Variants in WLS observed in about 807,000 individuals in gnomAD.
The protein encoded by WLS is protein wntless homolog.
Under a neutral mutation model 62.8 loss-of-function variants are expected in WLS, and 23 were observed. That is an observed-to-expected ratio of 0.37 (90% CI 0.26 to 0.52). The LOEUF (loss-of-function observed/expected upper bound fraction) is 0.52. Ranked by LOEUF, WLS falls within the 20% of genes least tolerant of loss-of-function variation. The probability of loss-of-function intolerance (pLI) is 0.92; values close to 1 mark genes in which losing one functional copy is unlikely to be tolerated. For missense variants in WLS, 615 were observed against 697.3 expected, an observed-to-expected ratio of 0.88 and a Z score of 1.33; for synonymous variants, 246 against 244.1, an observed-to-expected ratio of 1.01 and a Z score of -0.07.
intron 2 of WLS, among the ~76,000 whole-genome samples, chr1:68,173,534 A>G (rs1557496363): frequency 6.6e-6 from 1 of 152,204 alleles, no homozygotes; most frequent in Non-Finnish European, 1.5e-5. Context: ...GTAACCAGGA[A>G]AGGAAAGGGA....
chr1:68,178,957 C>G (rs746950482), intron 2 of WLS, among the ~76,000 whole-genome samples: 3 of 152,136 alleles, frequency 2.0e-5, no homozygotes, highest in African/African-American at 4.8e-5. Context: ...TATTTATACA[C>G]TGACTCACCT....
chr1:68,133,151 A>G (rs1309174227), intron 11 of WLS, among the ~76,000 whole-genome samples: 1 of 152,158 alleles, frequency 6.6e-6, no homozygotes, highest in African/African-American at 2.4e-5. Flanking sequence ...TTAAAAATCT[A>G]TATGTGCACG....
chr1:68,106,217 G>T (rs573256742), intron 11 of WLS, among the ~76,000 whole-genome samples: 1 of 152,090 alleles, frequency 6.6e-6, no homozygotes, highest in African/African-American at 2.4e-5. Flanking sequence ...AAGGCACTTC[G>T]AGCCATTCAT....
At chr1:68,161,894 G>T in intron 2 of WLS, 2 of 1,609,522 alleles carry the variant, frequency 1.2e-6, no homozygotes, top group African/African-American at 2.7e-5. Context: ...ACGGCTGCAG[G>T]AAGTCCTCCT....
chr1:68,177,668 A>AT (rs1305865214), intron 2 of WLS, among the ~76,000 whole-genome samples: 10 of 152,042 alleles, frequency 6.6e-5, no homozygotes, highest in Admixed American at 5.9e-4. Context: ...TAATTTTTGT[A>AT]TTTTTTGTAG....
intron 1 of WLS, chr1:68,231,697 T>A (rs1414679365): frequency 4.4e-6 from 2 of 457,324 alleles, no homozygotes; most frequent in Admixed American, 2.4e-5. Flanking sequence ...CAAATGCATT[T>A]ACAACCGTGC....
chr1:68,214,216 T>G (rs1649640674), intron 1 of WLS, among the ~76,000 whole-genome samples: 1 of 117,256 alleles, frequency 8.5e-6, no homozygotes. Context: ...CACACCCCAT[T>G]TCCAATACTG....
rs150599400 is a variant in WLS, at chr1:68,188,373, T to A, written c.379+5582A>T. ...CAGAAGAATGATACAATCCAGTATT[T>A]TCATCCACAGCTCCCTAAACACAAA... On this transcript the variant is annotated intron_variant, in intron 2 of 11. Transcript: ENST00000262348. Among the ~76,000 whole-genome samples, 155 of 152,310 alleles carry A rather than the reference T, an allele frequency of 1.0e-3. 2 individuals carry two copies. In the East Asian group the frequency reaches 0.019, roughly 19 times the overall value.
chr1:68,197,758 A>G (rs1276098853), intron 1 of WLS, among the ~76,000 whole-genome samples: 1 of 152,198 alleles, frequency 6.6e-6, no homozygotes, highest in African/African-American at 2.4e-5. Context: ...CTATAGTCAA[A>G]ATTTTAGCTA....
At chr1:68,109,303 A>T (rs1033320004) in intron 11 of WLS, among the ~76,000 whole-genome samples, 5 of 152,242 alleles carry the variant, frequency 3.3e-5, no homozygotes, top group African/African-American at 1.2e-4. Context: ...AGCTTCCTCA[A>T]TTTGGGTCCT....
At chr1:68,120,833 A>G (rs570360414), downstream of WLS, among the ~76,000 whole-genome samples, 404 of 152,334 alleles carry the variant, frequency 2.7e-3, 1 homozygote, top group Non-Finnish European at 4.8e-3. Flanking sequence ...TTCTCTAGCA[A>G]TTGGAACCAA....
intron 3 of WLS, 86 bp downstream of exon 3, chr1:68,159,037 G>A: frequency 6.4e-7 from 1 of 1,556,164 alleles, no homozygotes; most frequent in Non-Finnish European, 8.8e-7. Context: ...TGCGAAGAAG[G>A]GACACACCTA....
chr1:68,132,233 G>C (rs1027327613), intron 11 of WLS, among the ~76,000 whole-genome samples: 1 of 152,196 alleles, frequency 6.6e-6, no homozygotes, highest in Non-Finnish European at 1.5e-5. Context: ...GCTGAGCAAG[G>C]GGTGCCAGGC....
rs139954607 is a variant in WLS at position 68,178,646 on chromosome 1, C to T, written c.379+15309G>A. Among the ~76,000 whole-genome samples, 593 of 147,866 alleles carry T rather than the reference C, an allele frequency of 4.0e-3. 4 individuals are homozygous for T. Among genetic ancestry groups the T allele is most frequent in the African/African-American group, 0.014 (566 of 39,410 alleles). On this transcript the variant is annotated intron_variant, in intron 2 of 11. Transcript: ENST00000262348. ...ACTTGAACCCAGGAGGGGGAGGTTG[C>T]GGTGAGCCAAGATCACGCCACTGCA...
intron 1 of WLS, among the ~76,000 whole-genome samples, chr1:68,201,167 G>A (rs1032756409): frequency 6.6e-6 from 1 of 152,136 alleles, no homozygotes; most frequent in African/African-American, 2.4e-5. Context: ...AACTTCAGTG[G>A]CCAGATCATA....
chr1:68,170,232 C>T (rs1339739333), intron 2 of WLS, among the ~76,000 whole-genome samples: 1 of 138,900 alleles, frequency 7.2e-6, no homozygotes, highest in African/African-American at 2.7e-5. Flanking sequence ...ATGGCACGAT[C>T]TCCGCTCACT....
intron 11 of WLS, among the ~76,000 whole-genome samples, chr1:68,135,497 C>T (rs867959968): frequency 3.9e-5 from 6 of 152,032 alleles, no homozygotes; most frequent in Non-Finnish European, 8.8e-5. Context: ...AGATCACTTA[C>T]ATTTGGGAGC....
intron 2 of WLS, among the ~76,000 whole-genome samples, chr1:68,192,788 CAGA>C (rs1371874714): frequency 5.1e-5 from 6 of 117,658 alleles, no homozygotes; most frequent in African/African-American, 1.4e-4. Flanking sequence ...AAAAAAAAAA[CAGA>C]AGAAGAAAGA....
chr1:68,105,944 A>G (rs1169923440), intron 11 of WLS, among the ~76,000 whole-genome samples: 1 of 152,214 alleles, frequency 6.6e-6, no homozygotes, highest in Admixed American at 6.5e-5. Context: ...CTGAGGGATG[A>G]GAGAAAAGAA....
Sources: allele counts gnomAD v4.1 joint callset (sites outside exome capture counted in the v4.1 genomes callset), GRCh38; gene constraint gnomAD v4.1.1; transcripts MANE v1.5; gene names NCBI Gene and HGNC (gene_info 2026-07-23, HGNC 2026-07-21).